CADPS2: variants seen among roughly 807,000 people sequenced by gnomAD.
CADPS2 encodes the protein calcium dependent secretion activator 2, also known as calcium-dependent secretion activator 2.
In CADPS2, 93 loss-of-function variants were observed where a neutral mutation model predicts 172.5. The ratio of observed to expected loss-of-function variants is 0.54; its 90% CI spans 0.46 to 0.64. CADPS2 has a LOEUF of 0.64. CADPS2 is among the 30% of genes least tolerant of loss of function. The probability of loss-of-function intolerance (pLI) is 0.00; values close to 1 mark genes in which losing one functional copy is unlikely to be tolerated. For synonymous variants in CADPS2, 546 were observed against 555.2 expected (o/e 0.98, Z 0.23); for missense variants, 1,420 against 1,565.9 (o/e 0.91, Z 1.57).
intron 1 of CADPS2, among the ~76,000 whole-genome samples, chr7:122,743,477 A>G (rs1022966045): frequency 2.6e-5 from 4 of 152,148 alleles, no homozygotes; most frequent in Admixed American, 2.0e-4. Flanking sequence ...TGCAGAACCC[A>G]TCAGGAGTCT....
intron 3 of CADPS2, among the ~76,000 whole-genome samples, chr7:122,634,447 T>C (rs1450778773): frequency 2.6e-5 from 4 of 152,172 alleles, no homozygotes; most frequent in Non-Finnish European, 5.9e-5. Flanking sequence ...AGATTTTCTA[T>C]GTAGCATATA....
intron 1 of CADPS2, among the ~76,000 whole-genome samples, chr7:122,769,335 G>GT (rs2093644783): frequency 6.6e-6 from 1 of 152,104 alleles, no homozygotes; most frequent in Non-Finnish European, 1.5e-5. Context: ...AGAGCTTTCC[G>GT]TATCTTGGGA....
chr7:122,668,845 C>T (rs143564214), intron 2 of CADPS2, among the ~76,000 whole-genome samples: 44 of 152,312 alleles, frequency 2.9e-4, no homozygotes, highest in African/African-American at 8.2e-4. Flanking sequence ...GTCTTCCCCA[C>T]CACCACTTTA....
Position 122,565,307 on chromosome 7 carries a change from G to C in CADPS2, c.1336-10618C>G, listed in dbSNP as rs555520418. Among the ~76,000 whole-genome samples, 8 of 151,874 alleles carry C rather than the reference G, an allele frequency of 5.3e-5. No individual in the cohort carries two copies. In the East Asian group the frequency reaches 9.7e-4, roughly 18 times the overall value. On this transcript the variant is annotated intron_variant, in intron 7 of 29. Coordinates refer to ENST00000449022, the MANE Select transcript of CADPS2 (RefSeq NM_017954.11). ...CAGTAGTCACTTAAGCAATGGGAAA[G>C]GAAGATGGACAGGGAGTATGAGGTT...
At chr7:122,747,999 T>C (rs1299647334) in intron 1 of CADPS2, among the ~76,000 whole-genome samples, 1 of 152,174 alleles carries the variant, frequency 6.6e-6, no homozygotes, top group African/African-American at 2.4e-5. Context: ...TATGTGGCCT[T>C]TTCCTTACTA....
chr7:122,717,409 A>T (rs2089766676), intron 2 of CADPS2, among the ~76,000 whole-genome samples: 1 of 152,188 alleles, frequency 6.6e-6, no homozygotes, highest in Non-Finnish European at 1.5e-5. Flanking sequence ...AGAATAGGTA[A>T]GAATATTAAA....
In CADPS2 at chr7:122,776,863, CAAG is replaced by C. The variant is rs902003238; in HGVS notation, c.340-39798_340-39796del. Among the ~76,000 whole-genome samples, 60 of 152,254 alleles carry C rather than the reference CAAG, an allele frequency of 3.9e-4. 2 individuals are homozygous for C. Among genetic ancestry groups the C allele is most frequent in the Middle Eastern group, 3.4e-3 (1 of 294 alleles). On this transcript the variant is annotated intron_variant, in intron 1 of 29. Transcript: ENST00000449022. ...CATGTAACTCTAGCAACAATAATAACAAGAAGGCCAGGTGCAGTAGCTCATGCC... is the reference window on the plus strand; with the variant it reads ...CATGTAACTCTAGCAACAATAATAACAAGGCCAGGTGCAGTAGCTCATGCC...
chr7:122,430,757 A>G (rs892950701), intron 17 of CADPS2, among the ~76,000 whole-genome samples: 1 of 152,234 alleles, frequency 6.6e-6, no homozygotes, highest in Non-Finnish European at 1.5e-5. Flanking sequence ...AAACATGCAA[A>G]TAATTCCCAA....
At chr7:122,539,815 TTCTG>T (rs993210130) in intron 8 of CADPS2, among the ~76,000 whole-genome samples, 19 of 146,996 alleles carry the variant, frequency 1.3e-4, no homozygotes, top group Non-Finnish European at 2.6e-4. Context: ...ATCTCTGTCT[TTCTG>T]TCTCTCTCTT....
At chr7:122,590,607 G>A (rs1173498996) in intron 6 of CADPS2, among the ~76,000 whole-genome samples, 1 of 151,720 alleles carries the variant, frequency 6.6e-6, no homozygotes, top group African/African-American at 2.4e-5. Flanking sequence ...ATATATAAAT[G>A]ATGAAAAGAA....
At chr7:122,677,149 A>T (rs543157106) in intron 2 of CADPS2, among the ~76,000 whole-genome samples, 1 of 152,346 alleles carries the variant, frequency 6.6e-6, no homozygotes, top group African/African-American at 2.4e-5. Context: ...CCTAGAGCTT[A>T]CAGTGGGGCA....
intron 7 of CADPS2, among the ~76,000 whole-genome samples, chr7:122,569,159 A>G (rs892745166): frequency 2.6e-5 from 4 of 152,188 alleles, no homozygotes; most frequent in Non-Finnish European, 4.4e-5. Context: ...AATCTCCTTA[A>G]GCTGATAAGC....
intron 2 of CADPS2, among the ~76,000 whole-genome samples, chr7:122,711,714 G>A (rs1025073627): frequency 4.4e-4 from 67 of 151,984 alleles, no homozygotes; most frequent in African/African-American, 1.5e-3. Flanking sequence ...GTACAGTAGC[G>A]TGATCTTGGC....
intron 25 of CADPS2, among the ~76,000 whole-genome samples, chr7:122,368,369 CTT>C (rs2041260463): frequency 6.6e-6 from 1 of 152,198 alleles, no homozygotes; most frequent in Non-Finnish European, 1.5e-5. Context: ...AGCTATCACT[CTT>C]TCCCTCCCTG....
chr7:122,474,126 T>C (rs1366289489), intron 13 of CADPS2, among the ~76,000 whole-genome samples: 1 of 152,166 alleles, frequency 6.6e-6, no homozygotes, highest in Non-Finnish European at 1.5e-5. Flanking sequence ...CACCACAGTT[T>C]AGCATCTATT....
chr7:122,461,994 G>T (rs1027830903), intron 14 of CADPS2, among the ~76,000 whole-genome samples: 7 of 152,112 alleles, frequency 4.6e-5, no homozygotes, highest in Non-Finnish European at 7.4e-5. Flanking sequence ...TGTACACCTA[G>T]CAAAACTTTC....
intron 1 of CADPS2, among the ~76,000 whole-genome samples, chr7:122,816,458 T>C (rs916601577): frequency 6.6e-6 from 1 of 152,228 alleles, no homozygotes; most frequent in Non-Finnish European, 1.5e-5. Flanking sequence ...TTACGTTGAT[T>C]CCATATCTTG....
chr7:122,595,248 T>C (rs1417063080), intron 6 of CADPS2, among the ~76,000 whole-genome samples: 1 of 151,950 alleles, frequency 6.6e-6, no homozygotes, highest in East Asian at 1.9e-4. Context: ...AAATATAGGG[T>C]TGCAAACTAT....
intron 1 of CADPS2, among the ~76,000 whole-genome samples, chr7:122,794,715 A>C (rs1203407018): frequency 6.6e-6 from 1 of 151,878 alleles, no homozygotes; most frequent in Non-Finnish European, 1.5e-5. Flanking sequence ...CATAATCAGA[A>C]GTAAAACACT....
Sources: allele counts gnomAD v4.1 joint callset (sites outside exome capture counted in the v4.1 genomes callset), GRCh38; gene constraint gnomAD v4.1.1; transcripts MANE v1.5; gene names NCBI Gene and HGNC (gene_info 2026-07-23, HGNC 2026-07-21).